The following RBFOX1 variants were observed in gnomAD, a reference collection of about 807,000 sequenced individuals.
RBFOX1 encodes the protein RNA binding fox-1 homolog 1.
A neutral mutation model predicts 57.7 loss-of-function variants in RBFOX1; 8 were observed. The observed-to-expected ratio is 0.14, with a 90% CI of 0.08 to 0.25. The LOEUF is 0.25. Among genes scored for constraint, RBFOX1 ranks in the 10% least tolerant of loss-of-function variants. The probability of loss-of-function intolerance (pLI) is 1.00; values close to 1 mark genes in which losing one functional copy is unlikely to be tolerated. For missense variants in RBFOX1, 611 were observed against 548.5 expected, an observed-to-expected ratio of 1.11 and a Z score of -1.14; for synonymous variants, 326 against 222.4, an observed-to-expected ratio of 1.47 and a Z score of -4.15.
At chr16:6,634,720 A>AACACAG (rs747259880) in intron 2 of RBFOX1, among the ~76,000 whole-genome samples, 1 of 140,650 alleles carries the variant, frequency 7.1e-6, no homozygotes, top group East Asian at 2.0e-4. Context: ...TTAAATATAT[A>AACACAG]ATACAAAGAT....
intron 14 of RBFOX1, 32 bp from the exon 15 acceptor site, chr16:7,709,024 T>G: frequency 1.3e-6 from 2 of 1,569,190 alleles, no homozygotes; most frequent in East Asian, 4.5e-5. Context: ...TTGCATACTG[T>G]GGATCAATCT....
chr16:7,295,086 G>A (rs891873531), intron 4 of RBFOX1, among the ~76,000 whole-genome samples: 7 of 152,176 alleles, frequency 4.6e-5, no homozygotes, highest in African/African-American at 1.7e-4. Context: ...ACAAAATAGT[G>A]AAGGACTTGA....
intron 4 of RBFOX1, among the ~76,000 whole-genome samples, chr16:7,309,727 G>A (rs1246472011): frequency 6.6e-6 from 1 of 152,110 alleles, no homozygotes; most frequent in Non-Finnish European, 1.5e-5. Flanking sequence ...TAGTTTGTCA[G>A]GCAAATAATA....
chr16:5,473,979 CAGATGGAT>C (rs1453121354), intron 2 of RBFOX1, among the ~76,000 whole-genome samples: 1 of 150,936 alleles, frequency 6.6e-6, no homozygotes, highest in African/African-American at 2.4e-5. Context: ...GGATGGTACA[CAGATGGAT>C]AGATGGATAG....
intron 1 of RBFOX1, among the ~76,000 whole-genome samples, chr16:6,289,588 C>T (rs2077250658): frequency 6.6e-6 from 1 of 152,104 alleles, no homozygotes; most frequent in Non-Finnish European, 1.5e-5. Context: ...AATTGAGTGT[C>T]TTTCCGTCCT....
Position 7,060,112 on chromosome 16 carries a change from C to T in RBFOX1, c.27+8014C>T, listed in dbSNP as rs531714332. Among the ~76,000 whole-genome samples the T allele has an allele frequency of 2.6e-5, 4 of 152,232 alleles. No individual in the cohort carries two copies. In the East Asian group the frequency reaches 7.7e-4, roughly 29 times the overall value. On this transcript the variant is annotated intron_variant, in intron 4 of 15. Coordinates refer to ENST00000550418, the MANE Select transcript of RBFOX1 (RefSeq NM_018723.4). ...GAATTGATACCATAGAGTTAACAAA[C>T]TTTAAACTTTTTCTGAAAAAAGCCA...
At chr16:5,735,236 C>T (rs1172030986) in intron 3 of RBFOX1, among the ~76,000 whole-genome samples, 1 of 152,176 alleles carries the variant, frequency 6.6e-6, no homozygotes, top group Non-Finnish European at 1.5e-5. Context: ...GGTCAGGACC[C>T]TCCATGGGCA....
At chr16:6,816,559 G>C (rs2090111419) in intron 3 of RBFOX1, among the ~76,000 whole-genome samples, 1 of 151,496 alleles carries the variant, frequency 6.6e-6, no homozygotes, top group Non-Finnish European at 1.5e-5. Context: ...GGCTAACACA[G>C]TGAAACCCCG....
At chr16:7,325,996 G>C (rs1477935330) in intron 4 of RBFOX1, among the ~76,000 whole-genome samples, 1 of 152,126 alleles carries the variant, frequency 6.6e-6, no homozygotes, top group African/African-American at 2.4e-5. Flanking sequence ...CATTCTTGAT[G>C]ACTCAGCAGG....
chr16:5,323,269 T>A (rs979384488), intron 1 of RBFOX1, among the ~76,000 whole-genome samples: 4 of 152,252 alleles, frequency 2.6e-5, no homozygotes, highest in African/African-American at 9.6e-5. Context: ...AGTGCTTACC[T>A]TTACTATGGG....
chr16:6,870,724 T>A (rs967196795), intron 3 of RBFOX1, among the ~76,000 whole-genome samples: 1 of 152,158 alleles, frequency 6.6e-6, no homozygotes, highest in Non-Finnish European at 1.5e-5. Flanking sequence ...GTTGAATAAT[T>A]ATTTCACCAC....
At chr16:6,508,560 C>G (rs900119596) in intron 2 of RBFOX1, among the ~76,000 whole-genome samples, 1 of 152,134 alleles carries the variant, frequency 6.6e-6, no homozygotes, top group Non-Finnish European at 1.5e-5. Context: ...TGACTGTTGT[C>G]TATAAGGTCC....
intron 4 of RBFOX1, among the ~76,000 whole-genome samples, chr16:7,506,379 C>T (rs2151950440): frequency 6.6e-6 from 1 of 151,978 alleles, no homozygotes; most frequent in South Asian, 2.1e-4. Flanking sequence ...GCAAGTAATC[C>T]CACCTAGCTT....
In RBFOX1 at chr16:6,126,633, C is replaced by G. The variant is rs562729558; in HGVS notation, c.-127+106641C>G. Among the ~76,000 whole-genome samples the G allele has an allele frequency of 2.0e-5, 3 of 152,270 alleles. No individual in the cohort carries two copies. In the South Asian group the frequency reaches 6.2e-4, roughly 32 times the overall value. On this transcript the variant is annotated intron_variant, in intron 1 of 15. Coordinates refer to ENST00000550418, the MANE Select transcript of RBFOX1 (RefSeq NM_018723.4). Reference sequence around the variant, plus strand: ...CCAGGTCAGGTATGATGGGATGCCTCTTTTTACTTAATATGTATATTCTGG... The same window carrying G: ...CCAGGTCAGGTATGATGGGATGCCTGTTTTTACTTAATATGTATATTCTGG...
chr16:7,578,928 T>C (rs2152830010), intron 5 of RBFOX1, among the ~76,000 whole-genome samples: 1 of 152,342 alleles, frequency 6.6e-6, no homozygotes, highest in South Asian at 2.1e-4. Flanking sequence ...TTATACAGCC[T>C]TATTTGGAAG....
chr16:7,549,817 A>T (rs184981372), intron 5 of RBFOX1, among the ~76,000 whole-genome samples: 1 of 152,180 alleles, frequency 6.6e-6, no homozygotes, highest in South Asian at 2.1e-4. Flanking sequence ...CACTGACTCA[A>T]TGATAATCTT....
At chr16:7,400,957 A>T (rs2098232040) in intron 4 of RBFOX1, among the ~76,000 whole-genome samples, 1 of 152,204 alleles carries the variant, frequency 6.6e-6, no homozygotes, top group South Asian at 2.1e-4. Context: ...TTTTATTTCT[A>T]ATATGTTACC....
At chr16:6,744,273 T>G (rs2073041743) in intron 3 of RBFOX1, among the ~76,000 whole-genome samples, 1 of 152,120 alleles carries the variant, frequency 6.6e-6, no homozygotes, top group South Asian at 2.1e-4. Context: ...AGTGCTAGTC[T>G]CTCAATAACT....
chr16:6,239,716 C>T (rs747714222), intron 1 of RBFOX1, among the ~76,000 whole-genome samples: 10 of 152,040 alleles, frequency 6.6e-5, no homozygotes, highest in Admixed American at 2.0e-4. Context: ...CCAGGCTGGT[C>T]TTGAACTCCT....
Sources: allele counts gnomAD v4.1 joint callset (sites outside exome capture counted in the v4.1 genomes callset), GRCh38; gene constraint gnomAD v4.1.1; transcripts MANE v1.5; gene names NCBI Gene and HGNC (gene_info 2026-07-23, HGNC 2026-07-21).